RGS6: variants seen among roughly 807,000 people sequenced by gnomAD.
The protein encoded by RGS6 is regulator of G protein signaling 6, also known as regulator of G-protein signaling 6.
A neutral mutation model predicts 78.5 loss-of-function variants in RGS6; 30 were observed. That is an observed-to-expected ratio of 0.38 (90% CI 0.29 to 0.52). RGS6 has a LOEUF of 0.52. Among genes scored for constraint, RGS6 ranks in the 20% least tolerant of loss-of-function variants. The probability of loss-of-function intolerance (pLI) is 0.85; values close to 1 mark genes in which losing one functional copy is unlikely to be tolerated. For synonymous variants in RGS6, 206 were observed against 206.0 expected (o/e 1.00, Z 0.00); for missense variants, 495 against 609.7 (o/e 0.81, Z 1.98).
At chr14:72,547,033 G>C (rs868349158) in intron 17 of RGS6, 1 of 747,716 alleles carries the variant, frequency 1.3e-6, no homozygotes, top group Non-Finnish European at 2.2e-6. Flanking sequence ...AGCCACATGG[G>C]AACTGTGTGG....
intron 2 of RGS6, among the ~76,000 whole-genome samples, chr14:72,037,278 C>T (rs901903738): frequency 6.6e-6 from 1 of 152,166 alleles, no homozygotes. Context: ...CCCTTCCATC[C>T]ACACTGTGGA....
At chr14:72,588,070 G>C in the RGS6 span, among the ~76,000 whole-genome samples, 1 of 152,012 alleles carries the variant, frequency 6.6e-6, no homozygotes, top group South Asian at 2.1e-4. Flanking sequence ...TTCTCCCTAG[G>C]GATTCCCAGG....
chr14:72,557,167 C>A (rs12434785), intron 17 of RGS6, among the ~76,000 whole-genome samples: 43,721 of 152,100 alleles, frequency 0.29, 8,243 homozygotes, highest in African/African-American at 0.53. Flanking sequence ...TTTCCATTTC[C>A]TATGCCCCAC....
intron 2 of RGS6, among the ~76,000 whole-genome samples, chr14:72,069,096 C>T (rs901035561): frequency 7.9e-5 from 12 of 151,868 alleles, no homozygotes; most frequent in South Asian, 2.1e-4. Flanking sequence ...CCTAAGCCTC[C>T]GAGTAGCTGG....
intron 2 of RGS6, among the ~76,000 whole-genome samples, chr14:72,334,385 G>C (rs1169203644): frequency 2.6e-5 from 4 of 152,226 alleles, no homozygotes; most frequent in Admixed American, 2.6e-4. Flanking sequence ...TGGCAGGGCA[G>C]GGGGTGGGGA....
chr14:72,026,369 T>C (rs2089854411), intron 2 of RGS6, among the ~76,000 whole-genome samples: 1 of 151,996 alleles, frequency 6.6e-6, no homozygotes, highest in South Asian at 2.1e-4. Context: ...ATTGTGCCAC[T>C]GCACTCTAGC....
chr14:72,125,748 A>G (rs957610492), intron 2 of RGS6, among the ~76,000 whole-genome samples: 5 of 152,150 alleles, frequency 3.3e-5, no homozygotes, highest in African/African-American at 1.2e-4. Context: ...CATAGGATGT[A>G]TGTTCATGAA....
At chr14:72,021,616 C>T (rs1456378031) in intron 2 of RGS6, among the ~76,000 whole-genome samples, 33 of 151,684 alleles carry the variant, frequency 2.2e-4, no homozygotes. Flanking sequence ...TTACAGGCGC[C>T]TGCCACCACA....
chr14:71,896,126 G>A, the RGS6 span, among the ~76,000 whole-genome samples: 1 of 152,126 alleles, frequency 6.6e-6, no homozygotes, highest in African/African-American at 2.4e-5. Context: ...AAGTGTTACA[G>A]GAAAGGGGTC....
chr14:72,005,467 A>ATCTATCTG (rs1555428453), intron 2 of RGS6, among the ~76,000 whole-genome samples: 5 of 151,174 alleles, frequency 3.3e-5, no homozygotes, highest in African/African-American at 7.3e-5. Context: ...CTATCTATCT[A>ATCTATCTG]TATCTCCCTA....
At chr14:72,429,239 A>G (rs975556492) in intron 3 of RGS6, among the ~76,000 whole-genome samples, 3 of 152,206 alleles carry the variant, frequency 2.0e-5, no homozygotes, top group Non-Finnish European at 4.4e-5. Flanking sequence ...ATAAATTCCC[A>G]AGTGATATTG....
chr14:72,027,702 A>G (rs779130607), intron 2 of RGS6, among the ~76,000 whole-genome samples: 69 of 152,208 alleles, frequency 4.5e-4, no homozygotes, highest in Non-Finnish European at 9.0e-4. Context: ...TGCCTGCCCA[A>G]GACAGAGTGG....
intron 3 of RGS6, among the ~76,000 whole-genome samples, chr14:72,446,234 G>A (rs1028025251): frequency 6.6e-6 from 1 of 152,184 alleles, no homozygotes; most frequent in Non-Finnish European, 1.5e-5. Flanking sequence ...GATCTTAGCT[G>A]TCTGGCCTCC....
chr14:71,977,567 A>G (rs1340513968), intron 2 of RGS6, among the ~76,000 whole-genome samples: 252 of 127,352 alleles, frequency 2.0e-3, no homozygotes, highest in African/African-American at 3.1e-3. Context: ...AAGATCAGAT[A>G]GTTGTAGATA....
chr14:72,033,406 T>A (rs558471022), intron 2 of RGS6, among the ~76,000 whole-genome samples: 62 of 152,114 alleles, frequency 4.1e-4, no homozygotes, highest in African/African-American at 1.4e-3. Flanking sequence ...GCTATTTTTT[T>A]TTATTATTTG....
At chr14:71,885,359 C>T in the RGS6 span, among the ~76,000 whole-genome samples, 1 of 152,232 alleles carries the variant, frequency 6.6e-6, no homozygotes, top group Non-Finnish European at 1.5e-5. Flanking sequence ...GCCAAGCTAA[C>T]TCATGGTATA....
At chr14:71,924,336 T>C in the RGS6 span, among the ~76,000 whole-genome samples, 1 of 152,244 alleles carries the variant, frequency 6.6e-6, no homozygotes. Flanking sequence ...TAAAGTATCA[T>C]TACTACAGTC....
intron 3 of RGS6, among the ~76,000 whole-genome samples, chr14:72,435,674 G>A (rs905527047): frequency 6.6e-5 from 10 of 151,816 alleles, no homozygotes; most frequent in South Asian, 2.1e-4. Context: ...TTCTTGTCTC[G>A]TGGCCCTTTC....
intron 3 of RGS6, among the ~76,000 whole-genome samples, chr14:72,398,547 T>G (rs569412074): frequency 6.6e-6 from 1 of 152,204 alleles, no homozygotes; most frequent in Non-Finnish European, 1.5e-5. Flanking sequence ...GTGTCTCTAT[T>G]TCCTTCAGTT....
Sources: gnomAD v4.1 joint callset for allele counts (sites outside exome capture counted in the v4.1 genomes callset) on GRCh38, gnomAD v4.1.1 for gene constraint, MANE v1.5 for transcripts, NCBI Gene and HGNC (gene_info 2026-07-23, HGNC 2026-07-21) for gene names.